The following TACR1 variants were observed in gnomAD, a reference collection of about 807,000 sequenced individuals.
The protein encoded by TACR1 is tachykinin receptor 1, also known as substance-P receptor.
In TACR1, 25 loss-of-function variants were observed where a neutral mutation model predicts 35.8. That is an observed-to-expected ratio of 0.70 (90% CI 0.51 to 0.98). The LOEUF (loss-of-function observed/expected upper bound fraction) is 0.98. Among genes scored for constraint, TACR1 ranks in the 50% least tolerant of loss-of-function variants. The pLI is 0.00. For missense variants in TACR1, 478 were observed against 522.9 expected, an observed-to-expected ratio of 0.91 and a Z score of 0.84; for synonymous variants, 195 against 206.7, an observed-to-expected ratio of 0.94 and a Z score of 0.48.
chr2:75,066,862 G>A (rs1032921522), intron 2 of TACR1, among the ~76,000 whole-genome samples: 2 of 152,216 alleles, frequency 1.3e-5, no homozygotes, highest in Non-Finnish European at 2.9e-5. Context: ...TGTGAATTGT[G>A]TGTGAGAGGA....
At chr2:75,172,722 C>T (rs975032646) in intron 1 of TACR1, among the ~76,000 whole-genome samples, 1 of 152,124 alleles carries the variant, frequency 6.6e-6, no homozygotes, top group Non-Finnish European at 1.5e-5. Context: ...TTATTAACAG[C>T]AGAAAGTACT....
intron 2 of TACR1, among the ~76,000 whole-genome samples, chr2:75,070,457 C>T (rs1672856528): frequency 6.6e-6 from 1 of 152,092 alleles, no homozygotes; most frequent in Non-Finnish European, 1.5e-5. Context: ...GTTGATTATG[C>T]CATTTCTTCC....
chr2:75,143,862 T>G (rs1397275756), intron 1 of TACR1, among the ~76,000 whole-genome samples: 1 of 152,214 alleles, frequency 6.6e-6, no homozygotes, highest in African/African-American at 2.4e-5. Flanking sequence ...ATGAGCCCAC[T>G]GCCCCCAATT....
chr2:75,126,283 A>G (rs761321437), intron 1 of TACR1, among the ~76,000 whole-genome samples: 1 of 152,210 alleles, frequency 6.6e-6, no homozygotes, highest in Non-Finnish European at 1.5e-5. Flanking sequence ...TTATATATAT[A>G]GTATTCCATG....
At chr2:75,179,572 ATAT>A (rs1317205588) in intron 1 of TACR1, among the ~76,000 whole-genome samples, 1 of 152,218 alleles carries the variant, frequency 6.6e-6, no homozygotes, top group African/African-American at 2.4e-5. Flanking sequence ...TGCTCACTAA[ATAT>A]TCATAGGCTT....
intron 1 of TACR1, among the ~76,000 whole-genome samples, chr2:75,121,868 G>A (rs1345922155): frequency 1.3e-5 from 2 of 152,090 alleles, no homozygotes; most frequent in Non-Finnish European, 2.9e-5. Flanking sequence ...AATGGTCAAC[G>A]GAGACTTCAA....
rs542320899 is a variant in TACR1, at chr2:75,086,793, A to G, written c.585-33038T>C. 2.5e-4 allele frequency among the ~76,000 whole-genome samples: 38 copies of G among 152,350 alleles called. No individual in the cohort carries two copies. The South Asian group carries it at 7.9e-3, about 32-fold the overall frequency. ...TCAAAAGAGAGAGAATGTTTAATTC[A>G]ACTTTGGCCTCTGAGTTTGTGATGA... On this transcript the variant is annotated intron_variant, in intron 2 of 4. Transcript: ENST00000305249.
chr2:75,083,244 G>A (rs1407325107), intron 2 of TACR1, among the ~76,000 whole-genome samples: 1 of 152,104 alleles, frequency 6.6e-6, no homozygotes, highest in African/African-American at 2.4e-5. Context: ...GTAGATGTGT[G>A]GTATTATTTC....
At chr2:75,114,479 A>G (rs1423213003) in intron 2 of TACR1, among the ~76,000 whole-genome samples, 2 of 152,170 alleles carry the variant, frequency 1.3e-5, no homozygotes, top group Non-Finnish European at 2.9e-5. Context: ...CCTCAGGGGC[A>G]TTGCCCTAGT....
chr2:75,164,636 A>C (rs933405705), intron 1 of TACR1, among the ~76,000 whole-genome samples: 1 of 152,150 alleles, frequency 6.6e-6, no homozygotes, highest in Non-Finnish European at 1.5e-5. Context: ...TAAAAAAAAA[A>C]TTATGTGATA....
At chr2:75,133,812 G>A (rs1485974627) in intron 1 of TACR1, among the ~76,000 whole-genome samples, 2 of 152,174 alleles carry the variant, frequency 1.3e-5, no homozygotes, top group African/African-American at 4.8e-5. Flanking sequence ...TGCATTCCCA[G>A]ACGGTTAGGC....
chr2:75,104,681 C>A (rs966739661), intron 2 of TACR1, among the ~76,000 whole-genome samples: 49 of 152,122 alleles, frequency 3.2e-4, no homozygotes, highest in African/African-American at 1.0e-3. Flanking sequence ...GAAATCATAT[C>A]AAGTATCTTT....
At chr2:75,169,375 C>A (rs537147266) in intron 1 of TACR1, among the ~76,000 whole-genome samples, 5 of 152,212 alleles carry the variant, frequency 3.3e-5, no homozygotes, top group African/African-American at 1.2e-4. Flanking sequence ...CTCTCAAAAC[C>A]TTGCATATCT....
At chr2:75,146,865 G>A (rs1301821552) in intron 1 of TACR1, among the ~76,000 whole-genome samples, 1 of 152,218 alleles carries the variant, frequency 6.6e-6, no homozygotes, top group Non-Finnish European at 1.5e-5. Context: ...AACATGAAAT[G>A]TGCTAATGAT....
intron 1 of TACR1, among the ~76,000 whole-genome samples, chr2:75,185,799 C>T (rs1675679156): frequency 6.6e-6 from 1 of 152,144 alleles, no homozygotes. Flanking sequence ...ATGGCTAACA[C>T]TCTGAACAAA....
At chr2:75,071,394 C>A (rs1163239876) in intron 2 of TACR1, among the ~76,000 whole-genome samples, 1 of 152,216 alleles carries the variant, frequency 6.6e-6, no homozygotes, top group Middle Eastern at 3.2e-3. Flanking sequence ...CTTCAAGGTC[C>A]ATCTTGTGCT....
chr2:75,135,652 T>G (rs1474930906), intron 1 of TACR1, among the ~76,000 whole-genome samples: 1 of 152,346 alleles, frequency 6.6e-6, no homozygotes, highest in East Asian at 1.9e-4. Flanking sequence ...ACTTAAATAG[T>G]ATTTCATGGG....
intron 1 of TACR1, among the ~76,000 whole-genome samples, chr2:75,133,225 G>A (rs1674212027): frequency 6.6e-6 from 1 of 152,190 alleles, no homozygotes; most frequent in Non-Finnish European, 1.5e-5. Flanking sequence ...AATGATTTAA[G>A]AAGAAAAAAT....
chr2:75,069,298 A>G (rs1269821980), intron 2 of TACR1, among the ~76,000 whole-genome samples: 1 of 144,162 alleles, frequency 6.9e-6, no homozygotes, highest in African/African-American at 2.7e-5. Flanking sequence ...TACAGTATAT[A>G]CATATATATG....
Sources: allele counts gnomAD v4.1 joint callset (sites outside exome capture counted in the v4.1 genomes callset), GRCh38; gene constraint gnomAD v4.1.1; transcripts MANE v1.5; gene names NCBI Gene and HGNC (gene_info 2026-07-23, HGNC 2026-07-21).